ATP2B4: variants seen among roughly 807,000 people sequenced by gnomAD.
ATP2B4 encodes plasma membrane calcium-transporting ATPase 4.
Under a neutral mutation model 110.3 loss-of-function variants are expected in ATP2B4, and 39 were observed. That is an observed-to-expected ratio of 0.35 (90% CI 0.27 to 0.46). The LOEUF (loss-of-function observed/expected upper bound fraction) is 0.46, where lower values mean the gene tolerates loss of function less well. Ranked by LOEUF, ATP2B4 falls within the 20% of genes least tolerant of loss-of-function variation. The pLI is 1.00. For synonymous variants in ATP2B4, 538 were observed against 571.7 expected (o/e 0.94, Z 0.84); for missense variants, 1,135 against 1,530.9 (o/e 0.74, Z 4.32).
chr1:203,729,520 G>A (rs969317363), intron 20 of ATP2B4: 43 of 411,520 alleles, frequency 1.0e-4, no homozygotes, highest in Non-Finnish European at 1.7e-4. Flanking sequence ...ACACCAGCCT[G>A]GGCAACAAGG....
rs115084977 is a variant in ATP2B4 at position 203,723,174 on chromosome 1, G to A, written c.3024+485G>A. ...TATATTACATAGTCAGCCCAGCTTGGACTCCTCCAATATGAGACTATGAGC... is the reference window on the plus strand; with the variant it reads ...TATATTACATAGTCAGCCCAGCTTGAACTCCTCCAATATGAGACTATGAGC... On this transcript the variant is annotated intron_variant, in intron 18 of 20. Transcript: ENST00000357681. 5.7e-3 allele frequency among the ~76,000 whole-genome samples: 859 copies of A among 151,718 alleles called. 6 individuals carry two copies. The highest frequency in any genetic ancestry group is 0.019 in the African/African-American group (787 of 41,332).
Position 203,703,809 on chromosome 1 carries a change from A to G in ATP2B4, c.1095A>G (p.Lys365=). The change falls in exon 8 of 21, where the codon AAA becomes AAG. Residue 365 remains lysine, a synonymous_variant. Coordinates refer to ENST00000357681, the MANE Select transcript of ATP2B4 (RefSeq NM_001684.5). ...CTCGCCTGGCTGTTCAGATTGGGAA[A>G]GCCGGTGAGTAGGGTAGAGCCTCGT... ...KLTRLAVQIG[K]AGLLMSALTV... is the part of the protein sequence containing the mutation. The G allele has an allele frequency of 6.2e-7, 1 of 1,613,854 alleles. No individual in the cohort carries two copies. Among genetic ancestry groups the G allele is most frequent in the Non-Finnish European group, 8.5e-7 (1 of 1,179,808 alleles).
At chr1:203,639,807 A>G (rs1362547585) in intron 1 of ATP2B4, among the ~76,000 whole-genome samples, 1 of 152,064 alleles carries the variant, frequency 6.6e-6, no homozygotes, top group Non-Finnish European at 1.5e-5. Context: ...TGGGGTGGAG[A>G]TGTTCTGTTG....
intron 1 of ATP2B4, among the ~76,000 whole-genome samples, chr1:203,658,624 G>C (rs896023429): frequency 2.0e-5 from 3 of 152,054 alleles, no homozygotes; most frequent in Non-Finnish European, 4.4e-5. Flanking sequence ...TGATGTCAAA[G>C]ACAAGAAATA....
chr1:203,681,713 G>A (rs544257607), intron 1 of ATP2B4, among the ~76,000 whole-genome samples: 4 of 152,182 alleles, frequency 2.6e-5, no homozygotes, highest in African/African-American at 9.6e-5. Context: ...GCATCTTTCT[G>A]AGGGGAGAAA....
chr1:203,724,081 C>T, intron 19 of ATP2B4, 93 bp downstream of exon 19: 1 of 1,042,094 alleles, frequency 9.6e-7, no homozygotes, highest in Non-Finnish European at 1.4e-6. Flanking sequence ...GGAGACCCCC[C>T]AGCTCCTCAT....
chr1:203,721,534 C>A, intron 17 of ATP2B4, 124 bp downstream of exon 17: 1 of 937,310 alleles, frequency 1.1e-6, no homozygotes, highest in Non-Finnish European at 1.6e-6. Context: ...CCAGTGCTTG[C>A]TGTGCTCCCG....
rs562232734 is a variant in ATP2B4, at chr1:203,741,441, T to G, written c.*1587T>G. ...AACGTGGAGCCACGTTTGCAGGAGC[T>G]CCATTTGTATCCCTGCTGGTGTTGA... On this transcript the variant is annotated 3_prime_UTR_variant, in exon 21 of 21. Coordinates refer to ENST00000357681, the MANE Select transcript of ATP2B4 (RefSeq NM_001684.5). The G allele has an allele frequency of 2.6e-5, 4 of 152,748 alleles. No individual in the cohort carries two copies. The highest frequency in any genetic ancestry group is 9.6e-5 in the African/African-American group (4 of 41,566). 9.5% of individuals were successfully genotyped at this position (152,748 alleles called of 1,614,324 possible).
In ATP2B4 at chr1:203,700,825, G is replaced by T; in HGVS notation, c.803G>T (p.Arg268Leu). 6.2e-7 allele frequency: 1 copy of T among 1,613,164 alleles called. No individual in the cohort carries two copies. Among genetic ancestry groups the T allele is most frequent in the Non-Finnish European group, 8.5e-7 (1 of 1,179,608 alleles). Residue 268 changes from arginine (R) to leucine (L), a missense_variant, in exon 6 of 21, where the codon CGG becomes CTG. Physicochemically the swap from Arg to Leu is moderately radical, Grantham distance 102. Transcript: ENST00000357681. ...SGTHVMEGSGRMVVTAVGVNS... is the reference protein window; with the variant it reads ...SGTHVMEGSGLMVVTAVGVNS... ...ACCCATGTCATGGAAGGTTCTGGCCGGATGGTGGTGACAGCTGTTGGTGTC... is the reference window on the plus strand; with the variant it reads ...ACCCATGTCATGGAAGGTTCTGGCCTGATGGTGGTGACAGCTGTTGGTGTC...
Position 203,727,404 on chromosome 1 carries a change from G to A in ATP2B4, c.3142G>A (p.Ala1048Thr), listed in dbSNP as rs766543785. The change falls in exon 20 of 21, where the codon GCA (alanine) becomes ACA (threonine). Residue 1048 changes from alanine (A) to threonine (T), a missense_variant. This residue lies in a region of ATP2B4 where 61 missense variants were observed against 123.4 expected (regional missense o/e 0.49). Transcript: ENST00000357681. ...CTGCGCTTGTTTTCAGTTCATCTCCGCAATACCTACCCGATCCCTGAAGTT... is the reference window on the plus strand; with the variant it reads ...CTGCGCTTGTTTTCAGTTCATCTCCACAATACCTACCCGATCCCTGAAGTT... The part of the protein sequence containing the change: ...GELLWGQFIS[A>T]IPTRSLKFLK... 1.1e-5 allele frequency: 18 copies of A among 1,613,870 alleles called. No homozygotes were observed. Among genetic ancestry groups the A allele is most frequent in the African/African-American group, 5.3e-5 (4 of 74,902 alleles).
At chr1:203,656,314 A>G (rs1486139639) in intron 1 of ATP2B4, among the ~76,000 whole-genome samples, 1 of 152,240 alleles carries the variant, frequency 6.6e-6, no homozygotes, top group African/African-American at 2.4e-5. Flanking sequence ...TATACTGTTT[A>G]GAACACAGAA....
chr1:203,645,875 C>A (rs1663783702), intron 1 of ATP2B4, among the ~76,000 whole-genome samples: 1 of 152,146 alleles, frequency 6.6e-6, no homozygotes, highest in African/African-American at 2.4e-5. Flanking sequence ...AGGCGTGAGC[C>A]ACCGTGCCCG....
At chr1:203,688,004 AT>A (rs1413845767) in intron 2 of ATP2B4, among the ~76,000 whole-genome samples, 2 of 137,488 alleles carry the variant, frequency 1.5e-5, no homozygotes, top group Non-Finnish European at 1.5e-5. Context: ...GATTATTATT[AT>A]TATTATTATT....
intron 1 of ATP2B4, among the ~76,000 whole-genome samples, chr1:203,652,099 A>G (rs1179435644): frequency 3.3e-5 from 5 of 151,110 alleles, no homozygotes; most frequent in Non-Finnish European, 5.9e-5. Context: ...GACAAACAAA[A>G]ACAGAGGTTT....
Position 203,739,401 on chromosome 1 carries a change from TC to T in ATP2B4, c.3310-144del, listed in dbSNP as rs1271458335. The T allele has an allele frequency of 2.1e-5, 17 of 792,302 alleles. No individual in the cohort carries two copies. The East Asian group carries it at 4.3e-4, about 20-fold the overall frequency. The allele number at this position is 792,302 out of a possible 1,614,324, so 49.1% of individuals were successfully genotyped here. On this transcript the variant is annotated intron_variant, in intron 20 of 20. Transcript: ENST00000357681. ...ATGTTTCTAGTGCCCCATGATCTCT[TC>T]TGATGTGTGTTTGGTTTTGATGCTG...
intron 10 of ATP2B4, among the ~76,000 whole-genome samples, chr1:203,708,370 G>C (rs1453075575): frequency 6.6e-6 from 1 of 152,204 alleles, no homozygotes; most frequent in Non-Finnish European, 1.5e-5. Flanking sequence ...AGGAGGGAAA[G>C]TAGAAAGTAA....
intron 1 of ATP2B4, among the ~76,000 whole-genome samples, chr1:203,665,269 G>A (rs568402145): frequency 6.6e-5 from 10 of 152,364 alleles, no homozygotes; most frequent in Non-Finnish European, 1.5e-4. Context: ...GTATGTAGCA[G>A]CTCTGAAAAG....
At chr1:203,670,581 A>G (rs1275703636) in intron 1 of ATP2B4, among the ~76,000 whole-genome samples, 1 of 152,212 alleles carries the variant, frequency 6.6e-6, no homozygotes, top group Non-Finnish European at 1.5e-5. Context: ...CCAGGACTAT[A>G]CCTTTTTCAT....
chr1:203,707,019 G>T lies in ATP2B4; in HGVS notation c.1110G>T (p.Met370Ile). 1.2e-6 allele frequency: 2 copies of T among 1,613,772 alleles called. No homozygotes were observed. The highest frequency in any genetic ancestry group is 1.7e-6 in the Non-Finnish European group (2 of 1,179,844). ...AVQIGKAGLL[M>I]SALTVFILIL... is the part of the protein sequence containing the mutation. The stretch of plus-strand genomic sequence containing the variant: ...TGTTTCTCTGGACAGGTCTGCTCAT[G>T]TCTGCTCTCACGGTTTTCATCCTGA... The change falls in exon 9 of 21, where the codon ATG (methionine) becomes ATT (isoleucine). Residue 370 changes from methionine (M) to isoleucine (I), a missense_variant. Around this residue, in one of 9 missense-constraint regions of ATP2B4, gnomAD observed 162 missense variants for 210.5 expected, o/e 0.77. Coordinates refer to ENST00000357681, the MANE Select transcript of ATP2B4 (RefSeq NM_001684.5).
Sources: allele counts gnomAD v4.1 joint callset (sites outside exome capture counted in the v4.1 genomes callset), GRCh38; gene constraint gnomAD v4.1.1; regional missense constraint gnomAD v4.1.1; transcripts MANE v1.5; gene names NCBI Gene and HGNC (gene_info 2026-07-23, HGNC 2026-07-21).